TICRR: variants seen among roughly 807,000 people sequenced by gnomAD.
The protein encoded by TICRR is treslin.
In TICRR, 132 loss-of-function variants were observed where a neutral mutation model predicts 178.1. The observed-to-expected ratio is 0.74, with a 90% CI of 0.64 to 0.86. TICRR has a LOEUF of 0.86. Ranked by LOEUF, TICRR falls within the 40% of genes least tolerant of loss-of-function variation. The pLI is 0.00. For missense variants in TICRR, 2,587 were observed against 2,334.3 expected (o/e 1.11, Z -2.23); for synonymous variants, 991 against 900.7 (o/e 1.10, Z -1.79).
chr15:89,578,153 G>T (rs985854934), intron 1 of TICRR, among the ~76,000 whole-genome samples: 5 of 152,150 alleles, frequency 3.3e-5, no homozygotes, highest in South Asian at 2.1e-4. Flanking sequence ...TGTGGATTTT[G>T]TTCTAATTAA....
chr15:89,591,815 C>T (rs1164374715), intron 4 of TICRR: 1 of 366,500 alleles, frequency 2.7e-6, no homozygotes, highest in Non-Finnish European at 4.9e-6. Context: ...GATTTATAGC[C>T]AGTAATAAGA....
At chr15:89,601,270 A>G (rs892137117) in intron 9 of TICRR, 28 bp from the exon 10 acceptor site, 3 of 1,604,114 alleles carry the variant, frequency 1.9e-6, no homozygotes, top group Non-Finnish European at 2.6e-6. Context: ...TCCAAAGTAG[A>G]TATGACCAAG....
intron 18 of TICRR, 47 bp from the exon 19 acceptor site, chr15:89,621,346 C>A: frequency 1.3e-6 from 2 of 1,567,030 alleles, no homozygotes; most frequent in South Asian, 1.2e-5. Context: ...ATTGGAAGAA[C>A]AGGAATTGAG....
chr15:89,579,108 C>T (rs1232988807), intron 1 of TICRR, among the ~76,000 whole-genome samples: 3 of 152,120 alleles, frequency 2.0e-5, no homozygotes, highest in Non-Finnish European at 4.4e-5. Context: ...GGATAAGAGA[C>T]CTCTGACACA....
chr15:89,593,917 C>G (rs577249235), intron 5 of TICRR, among the ~76,000 whole-genome samples: 42 of 152,290 alleles, frequency 2.8e-4, no homozygotes, highest in African/African-American at 9.6e-4. Context: ...ATATTTAGCT[C>G]TAGGTGGAAA....
intron 4 of TICRR, chr15:89,591,805 G>A (rs983154142): frequency 8.6e-6 from 3 of 349,624 alleles, no homozygotes; most frequent in Admixed American, 8.5e-5. Flanking sequence ...GAAATGAGAG[G>A]ATTTATAGCC....
At chr15:89,607,085 G>C (rs1045844035) in intron 14 of TICRR, among the ~76,000 whole-genome samples, 9 of 151,998 alleles carry the variant, frequency 5.9e-5, no homozygotes, top group African/African-American at 2.2e-4. Flanking sequence ...AAAGGAAAAA[G>C]AAAAGAGGCA....
intron 5 of TICRR, among the ~76,000 whole-genome samples, chr15:89,592,801 A>G (rs138370688): frequency 6.6e-6 from 1 of 152,346 alleles, no homozygotes; most frequent in Non-Finnish European, 1.5e-5. Context: ...ATTAAGAGGT[A>G]TGGTTGACGT....
At chr15:89,595,711 A>G (rs972180310) in intron 7 of TICRR, 100 bp downstream of exon 7, 8 of 784,446 alleles carry the variant, frequency 1.0e-5, no homozygotes, top group African/African-American at 5.2e-5. Context: ...TACATGCACA[A>G]AAAGGTGTTA....
At chr15:89,577,811 A>AT (rs1962652410) in intron 1 of TICRR, among the ~76,000 whole-genome samples, 1 of 151,578 alleles carries the variant, frequency 6.6e-6, no homozygotes, top group African/African-American at 2.4e-5. Flanking sequence ...GAGTTTCACC[A>AT]TGCTACCCAC....
rs143320116 is a variant in TICRR at position 89,618,831 on chromosome 15, C to T, written c.3019+621C>T. 7.0e-3 allele frequency among the ~76,000 whole-genome samples: 1,072 copies of T among 152,320 alleles called. 10 individuals carry two copies. The highest frequency in any genetic ancestry group is 0.025 in the African/African-American group (1,028 of 41,576). On this transcript the variant is annotated intron_variant, in intron 17 of 21. Coordinates refer to ENST00000268138, the MANE Select transcript of TICRR (RefSeq NM_152259.4). ...AAAATCAGCTGGTCATGTTGGCATA[C>T]TCCTATGGTCCCAGCTACTCGGGAG... is the stretch of plus-strand genomic sequence containing the variant.
chr15:89,596,233 CCTTA>C (rs1323612373), intron 7 of TICRR, among the ~76,000 whole-genome samples: 2 of 152,180 alleles, frequency 1.3e-5, no homozygotes, highest in African/African-American at 2.4e-5. Flanking sequence ...CAAAATTAGA[CCTTA>C]CTTTTAATAG....
chr15:89,586,641 G>A (rs1962828540), intron 4 of TICRR, among the ~76,000 whole-genome samples: 1 of 152,174 alleles, frequency 6.6e-6, no homozygotes, highest in Non-Finnish European at 1.5e-5. Context: ...ATTTTAAGTA[G>A]GGTGGTCAGG....
At chr15:89,600,887 T>A (rs1048283285) in intron 9 of TICRR, among the ~76,000 whole-genome samples, 35 of 151,650 alleles carry the variant, frequency 2.3e-4, no homozygotes, top group Non-Finnish European at 4.4e-4. Context: ...TACCAAAAAA[T>A]TTTTTTTAAT....
chr15:89,622,934 A>G (rs1963450619), intron 19 of TICRR, among the ~76,000 whole-genome samples: 1 of 152,160 alleles, frequency 6.6e-6, no homozygotes, highest in Non-Finnish European at 1.5e-5. Flanking sequence ...CTGTCACTGC[A>G]CCAATCACAT....
rs1398159596 is a variant in TICRR, at chr15:89,624,894, C to T, written c.4584C>T (p.Thr1528=). The T allele has an allele frequency of 6.2e-7, 1 of 1,614,116 alleles. No individual in the cohort carries two copies. The change falls in exon 20 of 22, where the codon ACC becomes ACT. Residue 1528 remains threonine (T), a synonymous_variant. Coordinates refer to ENST00000268138, the MANE Select transcript of TICRR (RefSeq NM_152259.4). ...PLMPSRDVHC[T]TDGRQCQASA... ...TGCCTTCCCGTGACGTGCACTGTAC[C>T]ACAGATGGGAGACAGTGCCAGGCTT...
intron 4 of TICRR, among the ~76,000 whole-genome samples, chr15:89,587,756 T>C (rs1176775844): frequency 6.6e-6 from 1 of 151,856 alleles, no homozygotes. Flanking sequence ...GAAGTGTGAG[T>C]GGGAATACGT....
chr15:89,625,566 C>T lies in TICRR; in HGVS notation c.5256C>T (p.Pro1752=). ...GVCQLPDQSP[P]RNSMPKAEEA... is the part of the protein sequence containing the mutation. ...GCCAGCTCCCAGACCAGTCGCCTCC[C>T]AGGAACAGCATGCCTAAGGCCGAGG... is the stretch of plus-strand genomic sequence containing the variant. The change falls in exon 20 of 22, where the codon CCC becomes CCT. Residue 1752 remains proline, a synonymous_variant. Transcript: ENST00000268138. 6.2e-7 allele frequency: 1 copy of T among 1,613,126 alleles called. No homozygotes were observed. The highest frequency in any genetic ancestry group is 8.5e-7 in the Non-Finnish European group (1 of 1,180,018).
intron 7 of TICRR, 42 bp from the exon 8 acceptor site, chr15:89,599,282 A>G: frequency 2.0e-6 from 3 of 1,521,576 alleles, no homozygotes; most frequent in Non-Finnish European, 2.7e-6. Flanking sequence ...CAAGGACTTG[A>G]GCAAGATATG....
Sources: gnomAD v4.1 joint callset for allele counts (sites outside exome capture counted in the v4.1 genomes callset) on GRCh38, gnomAD v4.1.1 for gene constraint, MANE v1.5 for transcripts, NCBI Gene and HGNC (gene_info 2026-07-23, HGNC 2026-07-21) for gene names.